The following PXDNL variants were observed in gnomAD, a reference collection of about 807,000 sequenced individuals.
PXDNL encodes probable oxidoreductase PXDNL.
A neutral mutation model predicts 150.8 loss-of-function variants in PXDNL; 145 were observed. The observed-to-expected ratio is 0.96, with a 90% confidence interval of 0.84 to 1.10. PXDNL has a LOEUF of 1.10. PXDNL is among the 50% of genes least tolerant of loss of function. PXDNL has a pLI of 0.00. For synonymous variants in PXDNL, 757 were observed against 725.7 expected (o/e 1.04, Z -0.69); for missense variants, 2,087 against 1,873.9 (o/e 1.11, Z -2.10).
Position 51,499,720 on chromosome 8 carries a change from T to C in PXDNL, c.431A>G (p.Asp144Gly), listed in dbSNP as rs778489469. 5 of 1,613,028 alleles carry C rather than the reference T, an allele frequency of 3.1e-6. No individual in the cohort carries two copies. The African/African-American group carries it at 6.7e-5, about 22-fold the overall frequency. ...LEMLQPETFG[D>G]LLRLERLFLH... is the part of the protein sequence containing the mutation. ...TTACAGTCGCTCTAATCTCAGAAGG[T>C]CTCCAAAGGTCTCTGGCTGTAGCAT... The change falls in exon 5 of 23, where the codon GAC becomes GGC. Residue 144 changes from aspartate to glycine, a missense_variant. Physicochemically the swap from Asp to Gly is moderately conservative, Grantham distance 94. Transcript: ENST00000356297.
chr8:51,475,895 T>A (rs1220300364), intron 6 of PXDNL, among the ~76,000 whole-genome samples: 1 of 152,172 alleles, frequency 6.6e-6, no homozygotes, highest in African/African-American at 2.4e-5. Context: ...TTACTGTTCC[T>A]GCATTAATTC....
At position 51,792,041 on chromosome 8, in the gene PXDNL, A is replaced by C. The variant is rs574629189; in HGVS notation, c.164+17140T>G. ...TAATCAGAAATTATACAAAAAAAGA[A>C]AATAAATGATTTAGAAAAAGTAGGT... is the stretch of plus-strand genomic sequence containing the variant. On this transcript the variant is annotated intron_variant, in intron 1 of 22. Coordinates refer to ENST00000356297, the MANE Select transcript of PXDNL (RefSeq NM_144651.5). 2.6e-5 allele frequency among the ~76,000 whole-genome samples: 4 copies of C among 152,360 alleles called. No homozygotes were observed. The East Asian group carries it at 7.7e-4, about 29-fold the overall frequency.
intron 1 of PXDNL, among the ~76,000 whole-genome samples, chr8:51,771,469 T>A (rs1315765234): frequency 6.6e-6 from 1 of 152,186 alleles, no homozygotes; most frequent in African/African-American, 2.4e-5. Flanking sequence ...ACACGCAAAG[T>A]GCCCTTTGGT....
chr8:51,718,620 TA>T (rs1816663542), intron 1 of PXDNL, among the ~76,000 whole-genome samples: 1 of 152,220 alleles, frequency 6.6e-6, no homozygotes, highest in Non-Finnish European at 1.5e-5. Context: ...TTGCTTCAGT[TA>T]TAGTTTTCAT....
intron 17 of PXDNL, among the ~76,000 whole-genome samples, chr8:51,404,369 G>A (rs531846035): frequency 0.013 from 1,904 of 147,282 alleles, 99 homozygotes; most frequent in African/African-American, 0.049. Flanking sequence ...TGATTGGTGT[G>A]TTTACAATCC....
Position 51,545,411 on chromosome 8 carries a change from G to A in PXDNL, c.380+11429C>T, listed in dbSNP as rs180809211. Among the ~76,000 whole-genome samples the A allele has an allele frequency of 2.2e-3, 333 of 152,206 alleles. 1 individual carries two copies. Among genetic ancestry groups the A allele is most frequent in the Non-Finnish European group, 3.6e-3 (243 of 68,018 alleles). On this transcript the variant is annotated intron_variant, in intron 4 of 22. Coordinates refer to ENST00000356297, the MANE Select transcript of PXDNL (RefSeq NM_144651.5). The stretch of plus-strand genomic sequence containing the variant: ...ATTTAAAATTATTTTTTAAAAAGAC[G>A]AAGGCACACATTTTATCACAGTGAT...
At chr8:51,608,037 G>GA (rs759916526) in intron 2 of PXDNL, among the ~76,000 whole-genome samples, 1 of 131,740 alleles carries the variant, frequency 7.6e-6, no homozygotes, top group South Asian at 2.4e-4. Flanking sequence ...AAGAAAGAAA[G>GA]AAAGAAAGAA....
At chr8:51,615,443 T>C (rs993038567) in intron 2 of PXDNL, among the ~76,000 whole-genome samples, 1 of 152,190 alleles carries the variant, frequency 6.6e-6, no homozygotes, top group African/African-American at 2.4e-5. Flanking sequence ...CCATATTTTC[T>C]CTTGAAATAC....
intron 4 of PXDNL, among the ~76,000 whole-genome samples, chr8:51,530,845 G>A (rs1167562639): frequency 6.6e-6 from 1 of 152,158 alleles, no homozygotes; most frequent in Non-Finnish European, 1.5e-5. Context: ...ACATATTAAT[G>A]TGTTCCTTTA....
chr8:51,680,256 T>C (rs1213624905), intron 1 of PXDNL, among the ~76,000 whole-genome samples: 1 of 152,150 alleles, frequency 6.6e-6, no homozygotes, highest in East Asian at 1.9e-4. Flanking sequence ...GTGGGGTGCA[T>C]GTGGCTTGGG....
intron 1 of PXDNL, among the ~76,000 whole-genome samples, chr8:51,672,624 A>C (rs1174592541): frequency 6.6e-6 from 1 of 152,198 alleles, no homozygotes; most frequent in African/African-American, 2.4e-5. Context: ...GGCACATTTT[A>C]AATATAAAAG....
chr8:51,628,221 CACAA>C (rs746320040), intron 2 of PXDNL, among the ~76,000 whole-genome samples: 2 of 151,948 alleles, frequency 1.3e-5, no homozygotes, highest in African/African-American at 2.4e-5. Context: ...CTTGGTTTAA[CACAA>C]ACAGAAAGTA....
At chr8:51,494,211 T>A (rs1277062184) in intron 5 of PXDNL, among the ~76,000 whole-genome samples, 1 of 151,906 alleles carries the variant, frequency 6.6e-6, no homozygotes, top group Non-Finnish European at 1.5e-5. Context: ...AATAAAATAC[T>A]TTACAGACAA....
chr8:51,642,764 A>G (rs923143834), intron 2 of PXDNL, among the ~76,000 whole-genome samples: 10 of 152,240 alleles, frequency 6.6e-5, no homozygotes, highest in African/African-American at 2.4e-4. Flanking sequence ...CCCTGTCTGC[A>G]GATGACATGA....
intron 21 of PXDNL, among the ~76,000 whole-genome samples, chr8:51,335,028 G>GT (rs908992453): frequency 6.6e-6 from 1 of 152,158 alleles, no homozygotes; most frequent in Non-Finnish European, 1.5e-5. Flanking sequence ...AGCCTCTGGA[G>GT]TATCTTTTAT....
chr8:51,427,228 A>G (rs1432298382), intron 12 of PXDNL, among the ~76,000 whole-genome samples: 1 of 152,208 alleles, frequency 6.6e-6, no homozygotes, highest in Non-Finnish European at 1.5e-5. Flanking sequence ...TGTAACTATT[A>G]AAAAAATGAA....
intron 1 of PXDNL, among the ~76,000 whole-genome samples, chr8:51,699,733 T>G (rs1816211302): frequency 6.6e-6 from 1 of 152,184 alleles, no homozygotes; most frequent in Non-Finnish European, 1.5e-5. Context: ...ACTTGAGCAC[T>G]TATGGGCCAT....
At chr8:51,333,264 A>G (rs1805740963) in intron 21 of PXDNL, among the ~76,000 whole-genome samples, 1 of 147,744 alleles carries the variant, frequency 6.8e-6, no homozygotes, top group South Asian at 2.1e-4. Flanking sequence ...GGAAAGATAC[A>G]GTCATTTTCA....
intron 12 of PXDNL, among the ~76,000 whole-genome samples, chr8:51,438,214 C>A (rs1371487561): frequency 1.3e-5 from 2 of 152,038 alleles, no homozygotes; most frequent in East Asian, 1.9e-4. Flanking sequence ...TGGGGAGAAT[C>A]AATATTGTGA....
Sources: allele counts gnomAD v4.1 joint callset (sites outside exome capture counted in the v4.1 genomes callset), GRCh38; gene constraint gnomAD v4.1.1; transcripts MANE v1.5; gene names NCBI Gene and HGNC (gene_info 2026-07-23, HGNC 2026-07-21).